Variants in CSMD3 observed in about 807,000 individuals in gnomAD.
The protein encoded by CSMD3 is CUB and sushi domain-containing protein 3.
A neutral mutation model predicts 435.2 loss-of-function variants in CSMD3; 177 were observed. The ratio of observed to expected loss-of-function variants is 0.41; its 90% confidence interval spans 0.36 to 0.46. The LOEUF (loss-of-function observed/expected upper bound fraction) is 0.46. CSMD3 is among the 20% of genes least tolerant of loss of function. The pLI is 0.34. For synonymous variants in CSMD3, 1,656 were observed against 1,520.5 expected (o/e 1.09, Z -2.07); for missense variants, 4,265 against 4,504.6 (o/e 0.95, Z 1.52).
At chr8:112,389,170 A>T (rs1488602922) in intron 36 of CSMD3, among the ~76,000 whole-genome samples, 1 of 152,158 alleles carries the variant, frequency 6.6e-6, no homozygotes, top group African/African-American at 2.4e-5. Flanking sequence ...GCCACATTGC[A>T]GTGGGTCAAA....
chr8:112,915,919 T>C (rs2082558959), intron 10 of CSMD3, among the ~76,000 whole-genome samples: 1 of 151,830 alleles, frequency 6.6e-6, no homozygotes. Flanking sequence ...AAAATATCCT[T>C]AACAAGTTTC....
intron 1 of CSMD3, among the ~76,000 whole-genome samples, chr8:113,380,047 C>T (rs929737504): frequency 5.9e-5 from 9 of 152,168 alleles, no homozygotes; most frequent in African/African-American, 2.2e-4. Flanking sequence ...AAAAGGCAAA[C>T]TTGCCCCCAT....
rs768980020 is a variant in CSMD3, at chr8:112,406,645, G to C, written c.5688C>G (p.Val1896=). Residue 1896 remains valine (V), a synonymous_variant, in exon 35 of 71, where the codon GTC becomes GTG. Coordinates refer to ENST00000297405, the MANE Select transcript of CSMD3 (RefSeq NM_198123.2). ...FGRRIGNEFA[V]GSSVLFDCNP... ...TACAATCAAAAAGAACCGATGAACCGACTGCAAATTCATTGCCAATTCTTC... is the reference window on the plus strand; with the variant it reads ...TACAATCAAAAAGAACCGATGAACCCACTGCAAATTCATTGCCAATTCTTC... 1 of 1,612,330 alleles carries C rather than the reference G, an allele frequency of 6.2e-7. No individual in the cohort carries two copies. Among genetic ancestry groups the C allele is most frequent in the Non-Finnish European group, 8.5e-7 (1 of 1,178,704 alleles).
At chr8:113,244,604 G>A (rs1410305293) in intron 3 of CSMD3, among the ~76,000 whole-genome samples, 4 of 152,044 alleles carry the variant, frequency 2.6e-5, no homozygotes, top group Non-Finnish European at 4.4e-5. Flanking sequence ...GTGAGCCACC[G>A]CGCCTGGCCT....
At chr8:112,554,252 T>C (rs1827928576) in intron 25 of CSMD3, among the ~76,000 whole-genome samples, 2 of 151,908 alleles carry the variant, frequency 1.3e-5, no homozygotes, top group Admixed American at 1.3e-4. Context: ...CTATTGGTGC[T>C]GTTTCTCTGG....
At chr8:112,272,608 A>G (rs968451147) in intron 59 of CSMD3, among the ~76,000 whole-genome samples, 1 of 152,126 alleles carries the variant, frequency 6.6e-6, no homozygotes, top group Non-Finnish European at 1.5e-5. Flanking sequence ...GCCCGTAGTC[A>G]GGAAGCCCTC....
At chr8:112,747,554 TAGTA>T (rs919586503) in intron 13 of CSMD3, among the ~76,000 whole-genome samples, 2 of 152,138 alleles carry the variant, frequency 1.3e-5, no homozygotes, top group African/African-American at 4.8e-5. Flanking sequence ...TTAAAAAACA[TAGTA>T]AGTTTTTTTA....
At chr8:112,377,476 A>C (rs969572454) in intron 38 of CSMD3, among the ~76,000 whole-genome samples, 1 of 152,132 alleles carries the variant, frequency 6.6e-6, no homozygotes, top group South Asian at 2.1e-4. Flanking sequence ...TGAAGAGGGG[A>C]AAATATGTCC....
intron 38 of CSMD3, among the ~76,000 whole-genome samples, chr8:112,365,861 A>T (rs1287598950): frequency 6.6e-6 from 1 of 152,174 alleles, no homozygotes; most frequent in Non-Finnish European, 1.5e-5. Context: ...ATCAATGTTT[A>T]ACAGAAGAAA....
intron 38 of CSMD3, among the ~76,000 whole-genome samples, chr8:112,363,078 A>G (rs1175890324): frequency 6.6e-6 from 1 of 151,826 alleles, no homozygotes; most frequent in Non-Finnish European, 1.5e-5. Context: ...TAAGACCACA[A>G]CCTTTTGTGT....
chr8:113,107,994 G>A (rs1474189235), intron 4 of CSMD3, among the ~76,000 whole-genome samples: 2 of 152,144 alleles, frequency 1.3e-5, no homozygotes, highest in Non-Finnish European at 2.9e-5. Context: ...TTTGGATTCT[G>A]ATCTCTGAGA....
intron 5 of CSMD3, among the ~76,000 whole-genome samples, chr8:113,082,312 A>G (rs540821094): frequency 6.6e-6 from 1 of 152,278 alleles, no homozygotes; most frequent in African/African-American, 2.4e-5. Flanking sequence ...TGTTCCCAGC[A>G]AAGCTGCATC....
At chr8:113,239,099 A>G (rs1312967697) in intron 3 of CSMD3, among the ~76,000 whole-genome samples, 1 of 152,044 alleles carries the variant, frequency 6.6e-6, no homozygotes, top group African/African-American at 2.4e-5. Flanking sequence ...GTCCGCCTTG[A>G]GCTGGGACAC....
rs1171337285 is a variant in CSMD3, at chr8:112,682,480, C to T, written c.2639G>A (p.Gly880Glu). 2 of 1,612,806 alleles carry T rather than the reference C, an allele frequency of 1.2e-6. No individual in the cohort carries two copies. Among genetic ancestry groups the T allele is most frequent in the East Asian group, 4.5e-5 (2 of 44,836 alleles). The change falls in exon 16 of 71, where the codon GGA (glycine) becomes GAA (glutamate). Residue 880 changes from glycine to glutamate, a missense_variant. By Grantham distance (98) the Gly-to-Glu change is moderately conservative. Coordinates refer to ENST00000297405, the MANE Select transcript of CSMD3 (RefSeq NM_198123.2). ...TETITCILMD[G>E]KVMWSGLIPK... ...AATCAGTCCACTCCACATTACTTTT[C>T]CATCCATAAGAATACATGTAATTGT...
At chr8:112,746,628 A>G (rs2077432148) in intron 13 of CSMD3, among the ~76,000 whole-genome samples, 1 of 137,498 alleles carries the variant, frequency 7.3e-6, no homozygotes, top group Admixed American at 7.2e-5. Context: ...TATTAATAAT[A>G]GAATAGTTAT....
intron 4 of CSMD3, among the ~76,000 whole-genome samples, chr8:113,170,974 C>A (rs1286606557): frequency 2.0e-5 from 3 of 148,486 alleles, no homozygotes; most frequent in Admixed American, 6.7e-5. Flanking sequence ...ACTCTGGTAG[C>A]AGAGTTTAAC....
chr8:112,438,385 T>C (rs1814612611), intron 32 of CSMD3, among the ~76,000 whole-genome samples: 1 of 152,172 alleles, frequency 6.6e-6, no homozygotes, highest in Admixed American at 6.5e-5. Context: ...ACTAAGGTGG[T>C]ATTTTGAGTT....
intron 1 of CSMD3, among the ~76,000 whole-genome samples, chr8:113,427,504 G>C (rs1231241031): frequency 6.7e-6 from 1 of 150,074 alleles, no homozygotes; most frequent in African/African-American, 2.5e-5. Context: ...AAAAAAAGAG[G>C]CTCATAAAAT....
intron 22 of CSMD3, among the ~76,000 whole-genome samples, chr8:112,626,306 C>A (rs903249699): frequency 3.3e-4 from 50 of 152,066 alleles, no homozygotes; most frequent in African/African-American, 1.2e-3. Flanking sequence ...TGCACTGTTA[C>A]TAATTTATAG....
Sources: gnomAD v4.1 joint callset for allele counts (sites outside exome capture counted in the v4.1 genomes callset) on GRCh38, gnomAD v4.1.1 for gene constraint, MANE v1.5 for transcripts, NCBI Gene and HGNC (gene_info 2026-07-23, HGNC 2026-07-21) for gene names.